The following RSF1 variants were observed in gnomAD, a reference collection of about 807,000 sequenced individuals.
RSF1 encodes HBV pX-associated protein 8.
RSF1 carries 13 observed loss-of-function variants against 145.2 expected under a neutral mutation model. That is an observed-to-expected ratio of 0.09 (90% CI 0.06 to 0.14). RSF1 has a LOEUF of 0.14. Among genes scored for constraint, RSF1 ranks in the 10% least tolerant of loss-of-function variants. The probability of loss-of-function intolerance (pLI) is 1.00; values close to 1 mark genes in which losing one functional copy is unlikely to be tolerated. For synonymous variants in RSF1, 577 were observed against 592.6 expected (o/e 0.97, Z 0.38); for missense variants, 1,517 against 1,718.2 (o/e 0.88, Z 2.07).
chr11:77,786,752 C>T (rs1948460813), intron 1 of RSF1, among the ~76,000 whole-genome samples: 1 of 152,144 alleles, frequency 6.6e-6, no homozygotes, highest in Non-Finnish European at 1.5e-5. Flanking sequence ...AAGTACTGTT[C>T]TTGTGTTTCC....
intron 1 of RSF1, among the ~76,000 whole-genome samples, chr11:77,800,242 AG>A (rs1249305783): frequency 6.6e-6 from 1 of 152,204 alleles, no homozygotes; most frequent in Non-Finnish European, 1.5e-5. Flanking sequence ...CTGTAATCCC[AG>A]CACTTTGGGA....
At chr11:77,807,640 A>C (rs1285117322) in intron 1 of RSF1, among the ~76,000 whole-genome samples, 1 of 152,230 alleles carries the variant, frequency 6.6e-6, no homozygotes, top group African/African-American at 2.4e-5. Context: ...TTAAAACAAA[A>C]TTTGAAGTAT....
chr11:77,745,044 T>C (rs577938221), intron 3 of RSF1, among the ~76,000 whole-genome samples: 2 of 148,070 alleles, frequency 1.4e-5, no homozygotes, highest in Non-Finnish European at 3.0e-5. Flanking sequence ...TACATGCTTC[T>C]AGTATATATC....
At position 77,758,321 on chromosome 11, in the gene RSF1, A is replaced by G. The variant is rs11237283; in HGVS notation, c.279+6277T>C. Among the ~76,000 whole-genome samples the G allele has an allele frequency of 2.6e-4, 39 of 152,306 alleles. No individual in the cohort carries two copies. In the East Asian group the frequency reaches 6.4e-3, roughly 25 times the overall value. ...AATTCATCTTTCTTTTATATTATAC[A>G]TAAGATTTCTGTTCAATGCAAAATC... On this transcript the variant is annotated intron_variant, in intron 2 of 15. Transcript: ENST00000308488.
At chr11:77,868,180 C>T in the RSF1 span, among the ~76,000 whole-genome samples, 10 of 151,322 alleles carry the variant, frequency 6.6e-5, no homozygotes, top group Non-Finnish European at 1.0e-4. Flanking sequence ...CTCAGCCTCC[C>T]GAGTAGCTGG....
intron 1 of RSF1, among the ~76,000 whole-genome samples, chr11:77,794,699 T>A (rs919161078): frequency 4.6e-5 from 7 of 151,954 alleles, no homozygotes; most frequent in Non-Finnish European, 1.0e-4. Context: ...GGAATATACC[T>A]CAAAATAACA....
At chr11:77,718,287 TAA>T in intron 5 of RSF1, 1 of 151,510 alleles carries the variant, frequency 6.6e-6, no homozygotes, top group Non-Finnish European at 1.5e-5. Context: ...GCCTGGGCAA[TAA>T]GAGTAAAACT....
chr11:77,685,022 C>T (rs939695218), intron 10 of RSF1, 83 bp downstream of exon 10: 5 of 623,184 alleles, frequency 8.0e-6, no homozygotes, highest in African/African-American at 2.3e-5. Context: ...TAAATAAAAC[C>T]ACTAACATTA....
chr11:77,761,828 ATT>A (rs11381383), intron 2 of RSF1, among the ~76,000 whole-genome samples: 6 of 119,562 alleles, frequency 5.0e-5, no homozygotes, highest in African/African-American at 3.3e-5. Flanking sequence ...CCATTCGGTG[ATT>A]TTTTTTTTTT....
intron 1 of RSF1, among the ~76,000 whole-genome samples, chr11:77,809,711 T>C (rs1948712240): frequency 6.6e-6 from 1 of 152,216 alleles, no homozygotes; most frequent in African/African-American, 2.4e-5. Context: ...GGCAAGACTT[T>C]AATGGGAATA....
the RSF1 span, among the ~76,000 whole-genome samples, chr11:77,843,382 A>G: frequency 6.6e-6 from 1 of 152,164 alleles, no homozygotes; most frequent in Admixed American, 6.6e-5. Flanking sequence ...CCTGGGATGT[A>G]GCCTCAACAA....
chr11:77,862,233 A>G, the RSF1 span, among the ~76,000 whole-genome samples: 1 of 152,170 alleles, frequency 6.6e-6, no homozygotes, highest in South Asian at 2.1e-4. Flanking sequence ...TCATCCTATC[A>G]TTGACCTGAG....
chr11:77,771,458 G>A (rs888466390), intron 1 of RSF1, among the ~76,000 whole-genome samples: 1 of 152,174 alleles, frequency 6.6e-6, no homozygotes, highest in Non-Finnish European at 1.5e-5. Context: ...CTCCAATGTG[G>A]CTAGAAAATG....
the RSF1 span, among the ~76,000 whole-genome samples, chr11:77,839,073 T>C: frequency 1.3e-5 from 2 of 152,244 alleles, no homozygotes; most frequent in Non-Finnish European, 2.9e-5. Context: ...CTACTTTCTT[T>C]GAAGTCTTTG....
At chr11:77,698,258 T>C (rs1004803394) in intron 7 of RSF1, among the ~76,000 whole-genome samples, 5 of 152,200 alleles carry the variant, frequency 3.3e-5, no homozygotes, top group Admixed American at 2.6e-4. Flanking sequence ...GGTGTATTAT[T>C]ATGTAGAGGA....
chr11:77,717,197 C>G (rs1245679944), intron 5 of RSF1, among the ~76,000 whole-genome samples: 1 of 123,372 alleles, frequency 8.1e-6, no homozygotes, highest in African/African-American at 3.0e-5. Context: ...AAAAAAAAAA[C>G]ACCTTGCAAT....
At chr11:77,695,695 C>T (rs558821907) in intron 7 of RSF1, among the ~76,000 whole-genome samples, 39 of 152,174 alleles carry the variant, frequency 2.6e-4, no homozygotes, top group Admixed American at 2.6e-3. Context: ...AGCCCTAGCT[C>T]CTTTACTGGA....
At chr11:77,708,111 G>C (rs1179255714) in intron 5 of RSF1, among the ~76,000 whole-genome samples, 1 of 152,122 alleles carries the variant, frequency 6.6e-6, no homozygotes, top group African/African-American at 2.4e-5. Context: ...GACAGAATCA[G>C]ATCTGCACTT....
At chr11:77,777,463 G>T (rs547053161) in intron 1 of RSF1, among the ~76,000 whole-genome samples, 34 of 152,118 alleles carry the variant, frequency 2.2e-4, no homozygotes, top group African/African-American at 8.2e-4. Context: ...CGTGGTGGCG[G>T]GCGCCTGTAG....
Sources: gnomAD v4.1 joint callset for allele counts (sites outside exome capture counted in the v4.1 genomes callset) on GRCh38, gnomAD v4.1.1 for gene constraint, MANE v1.5 for transcripts, NCBI Gene and HGNC (gene_info 2026-07-23, HGNC 2026-07-21) for gene names.